USP28: variants seen among roughly 807,000 people sequenced by gnomAD.
USP28 encodes the protein ubiquitin carboxyl-terminal hydrolase 28.
In USP28, 113 loss-of-function variants were observed where a neutral mutation model predicts 145.0. The observed-to-expected ratio is 0.78, with a 90% CI of 0.67 to 0.91. The LOEUF is 0.91. Ranked by LOEUF, USP28 falls within the 40% of genes least tolerant of loss-of-function variation. USP28 has a pLI of 0.00. For synonymous variants in USP28, 447 were observed against 450.9 expected (o/e 0.99, Z 0.11); for missense variants, 1,201 against 1,289.6 (o/e 0.93, Z 1.05).
At chr11:113,813,150 T>A (rs937825087) in intron 15 of USP28, among the ~76,000 whole-genome samples, 2 of 152,230 alleles carry the variant, frequency 1.3e-5, no homozygotes, top group Non-Finnish European at 2.9e-5. Context: ...TACACTTACT[T>A]TGACCTATTT....
In USP28 at chr11:113,817,547, ACAGCT is replaced by A. The variant is rs527363509; in HGVS notation, c.1463+106_1463+110del. On this transcript the variant is annotated intron_variant, in intron 13 of 24. Transcript: ENST00000003302. ...CCCTTCCCTTTAAGACAAAGAGCTC[ACAGCT>A]CCTGTGCTCTTATAGGTGACTGTCA... The A allele has an allele frequency of 2.9e-3, 3,655 of 1,277,814 alleles. 13 individuals are homozygous for A. The highest frequency in any genetic ancestry group is 2.9e-3 in the Non-Finnish European group (2,724 of 936,010). 79.2% of individuals were successfully genotyped at this position (1,277,814 alleles called of 1,614,324 possible).
chr11:113,829,698 G>A (rs1290138747), intron 9 of USP28, among the ~76,000 whole-genome samples: 3 of 152,076 alleles, frequency 2.0e-5, no homozygotes, highest in African/African-American at 2.4e-5. Flanking sequence ...AGTAACACAC[G>A]CCTGAAGTCC....
chr11:113,832,102 CT>C (rs1565413103), intron 7 of USP28, 109 bp from the exon 8 acceptor site: 2 of 940,200 alleles, frequency 2.1e-6, no homozygotes, highest in Non-Finnish European at 3.2e-6. Context: ...AAAAGCATTT[CT>C]TTTTTTCTTT....
chr11:113,852,040 T>C (rs1385228605), intron 3 of USP28, among the ~76,000 whole-genome samples: 1 of 152,154 alleles, frequency 6.6e-6, no homozygotes, highest in Admixed American at 6.5e-5. Context: ...TTTTTTTTTC[T>C]TTTTAAGAGA....
rs145081242 is a variant in USP28, at chr11:113,821,644, C to T, written c.1283+1961G>A. Reference sequence around the variant, plus strand: ...TCTGACACACTGCTGGAGGCAGCTGCCTTCTTTTCTGGGAAGGGAGGGGTC... The same window carrying T: ...TCTGACACACTGCTGGAGGCAGCTGTCTTCTTTTCTGGGAAGGGAGGGGTC... On this transcript the variant is annotated intron_variant, in intron 12 of 24. Transcript: ENST00000003302. The T allele has an allele frequency of 2.1e-3, 402 of 191,652 alleles. 4 individuals are homozygous for T. The highest frequency in any genetic ancestry group is 8.9e-3 in the African/African-American group (380 of 42,886). 11.9% of individuals were successfully genotyped at this position (191,652 alleles called of 1,614,324 possible).
intron 5 of USP28, among the ~76,000 whole-genome samples, chr11:113,837,481 C>A (rs763158289): frequency 6.6e-6 from 1 of 152,206 alleles, no homozygotes; most frequent in Non-Finnish European, 1.5e-5. Context: ...GCAGATTACA[C>A]GTTCAGAAAA....
At chr11:113,826,772 A>T (rs1399925175) in intron 11 of USP28, among the ~76,000 whole-genome samples, 1 of 151,918 alleles carries the variant, frequency 6.6e-6, no homozygotes, top group Admixed American at 6.6e-5. Flanking sequence ...ATATAAAATT[A>T]GCCGGGTGTG....
chr11:113,870,113 G>A (rs1309871114), intron 1 of USP28, among the ~76,000 whole-genome samples: 1 of 152,258 alleles, frequency 6.6e-6, no homozygotes, highest in East Asian at 1.9e-4. Context: ...AGTGAGCCAA[G>A]ATCGTGCCAA....
At chr11:113,873,622 GTCTCT>G (rs1455694404) in intron 1 of USP28, among the ~76,000 whole-genome samples, 3 of 152,192 alleles carry the variant, frequency 2.0e-5, no homozygotes, top group African/African-American at 7.2e-5. Context: ...CCTTAAAATA[GTCTCT>G]TCTCTAAATC....
In USP28 at chr11:113,830,953, G is replaced by C; in HGVS notation, c.834-10C>G. 1 of 1,612,044 alleles carries C rather than the reference G, an allele frequency of 6.2e-7. No homozygotes were observed. Among genetic ancestry groups the C allele is most frequent in the Non-Finnish European group, 8.5e-7 (1 of 1,179,762 alleles). On this transcript the variant is annotated splice_polypyrimidine_tract_variant and intron_variant, in intron 8 of 24. Coordinates refer to ENST00000003302, the Ensembl canonical transcript of USP28. The stretch of plus-strand genomic sequence containing the variant: ...TTTGTTCCTGGGACTGCTGCTTTTA[G>C]GAAAAGGAGACAATTCTGGATTGTT...
chr11:113,875,466 G>GC lies in USP28; in HGVS notation c.35dup (p.Ala13ArgfsTer30), dbSNP rs1949288579. The GC allele has an allele frequency of 8.1e-7, 1 of 1,236,448 alleles. No individual in the cohort carries two copies. Among genetic ancestry groups the GC allele is most frequent in the Non-Finnish European group, 1.0e-6 (1 of 985,382 alleles). The allele number at this position is 1,236,448 out of a possible 1,614,324, so 76.6% of individuals were successfully genotyped here. On this transcript the variant is annotated frameshift_variant, in exon 1 of 25. Coordinates refer to ENST00000003302, the Ensembl canonical transcript of USP28. LOFTEE classifies it high-confidence loss of function. ...CCACCGAGCCGTGGCCGTCTGCCGC[G>GC]CCGGCCGCGTCGTCCTGCTGCAGCT...
intron 1 of USP28, among the ~76,000 whole-genome samples, chr11:113,856,186 T>C (rs1947031159): frequency 6.6e-6 from 1 of 152,224 alleles, no homozygotes; most frequent in Admixed American, 6.5e-5. Context: ...TCTAATTCCA[T>C]TTGATTTTAC....
exon 16 of USP28, chr11:113,812,371 C>A: frequency 6.2e-7 from 1 of 1,614,028 alleles, no homozygotes; most frequent in Non-Finnish European, 8.5e-7. Flanking sequence ...AACTTCTTCC[C>A]AGGAAGATTC....
At chr11:113,803,728 T>C (rs1282870464) in intron 22 of USP28, 70 bp downstream of exon 23, 1 of 1,277,968 alleles carries the variant, frequency 7.8e-7, no homozygotes, top group Non-Finnish European at 1.1e-6. Context: ...ACTCTTAGTA[T>C]TCCCAGGTAG....
intron 13 of USP28, 66 bp from the exon 14 acceptor site, chr11:113,815,448 C>A: frequency 6.9e-7 from 1 of 1,457,828 alleles, no homozygotes; most frequent in Non-Finnish European, 9.4e-7. Flanking sequence ...AAATTATGTA[C>A]TTTGGAAAGC....
intron 1 of USP28, among the ~76,000 whole-genome samples, chr11:113,867,251 A>G (rs941425353): frequency 2.6e-5 from 4 of 151,906 alleles, no homozygotes; most frequent in African/African-American, 4.8e-5. Context: ...ATTAAATGTC[A>G]CTGAACTTGT....
At chr11:113,843,692 TA>T (rs995118584) in intron 3 of USP28, among the ~76,000 whole-genome samples, 7 of 139,196 alleles carry the variant, frequency 5.0e-5, no homozygotes, top group Admixed American at 7.0e-5. Context: ...AAAAAAAAAC[TA>T]AAAAAAAATT....
chr11:113,875,380 C>A (rs1949275851), intron 1 of USP28, 65 bp downstream of exon 1: 2 of 1,155,326 alleles, frequency 1.7e-6, no homozygotes, highest in Non-Finnish European at 1.1e-6. Flanking sequence ...GCCCTGCAGG[C>A]CCCGCACGCT....
chr11:113,832,997 C>T (rs939855402), intron 7 of USP28, among the ~76,000 whole-genome samples: 9 of 152,040 alleles, frequency 5.9e-5, no homozygotes, highest in African/African-American at 1.7e-4. Flanking sequence ...AGAAAAGCTC[C>T]GAAAAGCTCC....
Sources: allele counts gnomAD v4.1 joint callset (sites outside exome capture counted in the v4.1 genomes callset), GRCh38; gene constraint gnomAD v4.1.1; transcripts MANE v1.5; gene names NCBI Gene and HGNC (gene_info 2026-07-23, HGNC 2026-07-21).